Variants in USP10 observed in about 807,000 individuals in gnomAD.
The protein encoded by USP10 is ubiquitin carboxyl-terminal hydrolase 10.
USP10 carries 22 observed loss-of-function variants against 84.5 expected under a neutral mutation model. That is an observed-to-expected ratio of 0.26 (90% CI 0.19 to 0.37). USP10 has a LOEUF of 0.37. Ranked by LOEUF, USP10 falls within the 10% of genes least tolerant of loss-of-function variation. USP10 has a pLI of 1.00. For missense variants in USP10, 1,019 were observed against 998.9 expected (o/e 1.02, Z -0.27); for synonymous variants, 454 against 387.6 (o/e 1.17, Z -2.01).
intron 2 of USP10, 115 bp from the exon 3 acceptor site, chr16:84,740,194 G>A (rs551571453): frequency 1.6e-5 from 13 of 832,174 alleles, no homozygotes; most frequent in South Asian, 1.1e-4. Flanking sequence ...TAGAAGTAAC[G>A]GCATGCAAAG....
At chr16:84,741,904 C>G (rs1007036469) in intron 3 of USP10, among the ~76,000 whole-genome samples, 5 of 152,196 alleles carry the variant, frequency 3.3e-5, no homozygotes, top group African/African-American at 1.2e-4. Context: ...GTCACTGCGC[C>G]TGTAGTATCT....
At chr16:84,704,615 C>T (rs573220328) in intron 1 of USP10, 3 of 1,223,870 alleles carry the variant, frequency 2.5e-6, no homozygotes, top group Admixed American at 6.0e-5. Context: ...TAAAGGTAGC[C>T]CTTGGGGTAT....
At chr16:84,773,290 T>C (rs987376690) in intron 12 of USP10, among the ~76,000 whole-genome samples, 21 of 152,320 alleles carry the variant, frequency 1.4e-4, no homozygotes, top group African/African-American at 4.6e-4. Flanking sequence ...TGAGGCTTGA[T>C]TGGGACTGTG....
chr16:84,735,887 C>T (rs1052914133), intron 2 of USP10, among the ~76,000 whole-genome samples: 1 of 152,166 alleles, frequency 6.6e-6, no homozygotes, highest in Non-Finnish European at 1.5e-5. Context: ...AGTTGTTTTC[C>T]CCAATCTTCA....
intron 12 of USP10, among the ~76,000 whole-genome samples, chr16:84,773,537 C>T (rs564071541): frequency 5.9e-5 from 9 of 152,186 alleles, no homozygotes; most frequent in Admixed American, 2.6e-4. Flanking sequence ...TATACCTTCC[C>T]GTGAAGACTC....
At chr16:84,770,532 G>T (rs1914322112) in intron 11 of USP10, among the ~76,000 whole-genome samples, 1 of 152,148 alleles carries the variant, frequency 6.6e-6, no homozygotes, top group African/African-American at 2.4e-5. Context: ...CAGCACTTTG[G>T]GAGGCCAAGG....
chr16:84,740,453 C>T, intron 3 of USP10, 84 bp downstream of exon 3: 1 of 1,115,468 alleles, frequency 9.0e-7, no homozygotes. Context: ...CATTGTTTCC[C>T]ATTTGAATAA....
intron 12 of USP10, among the ~76,000 whole-genome samples, chr16:84,774,104 G>A (rs1343144433): frequency 6.6e-6 from 1 of 152,150 alleles, no homozygotes; most frequent in African/African-American, 2.4e-5. Flanking sequence ...ACAAAAATTA[G>A]CCTAGCATGG....
chr16:84,765,046 G>C (rs1913696419), intron 10 of USP10, among the ~76,000 whole-genome samples: 2 of 151,222 alleles, frequency 1.3e-5, no homozygotes, highest in African/African-American at 4.9e-5. Context: ...CTGCACTCCA[G>C]CCTGGGTGAC....
At chr16:84,702,045 CTTTTTTTT>C (rs1168917308) in intron 1 of USP10, among the ~76,000 whole-genome samples, 1 of 42,614 alleles carries the variant, frequency 2.3e-5, no homozygotes, top group Non-Finnish European at 3.9e-5. Flanking sequence ...GAGTTTCGCT[CTTTTTTTT>C]TTTTTTTTTT....
intron 4 of USP10, among the ~76,000 whole-genome samples, chr16:84,752,883 TAAGAG>T (rs1912098224): frequency 6.6e-6 from 1 of 152,256 alleles, no homozygotes; most frequent in Non-Finnish European, 1.5e-5. Context: ...GTTTGGATCT[TAAGAG>T]AAAATCTTTG....
At chr16:84,754,036 G>T (rs886564634) in intron 4 of USP10, among the ~76,000 whole-genome samples, 2 of 152,158 alleles carry the variant, frequency 1.3e-5, no homozygotes, top group African/African-American at 2.4e-5. Context: ...ACCAAGTCCT[G>T]TTACCTTAGA....
chr16:84,700,199 G>A (rs1441002869), intron 1 of USP10, 88 bp downstream of exon 1: 15 of 1,054,026 alleles, frequency 1.4e-5, no homozygotes, highest in Non-Finnish European at 1.8e-5. Context: ...CGCCCTGCCC[G>A]GAGCGAGCGT....
At chr16:84,770,075 C>T (rs915041968) in intron 11 of USP10, among the ~76,000 whole-genome samples, 3 of 152,112 alleles carry the variant, frequency 2.0e-5, no homozygotes, top group African/African-American at 7.2e-5. Context: ...CGCCACTGCA[C>T]TCCAGCCTGT....
rs1219676550 is a variant in USP10 at position 84,704,593 on chromosome 16, A to T, written c.21+4482A>T. On this transcript the variant is annotated intron_variant, in intron 1 of 13. Coordinates refer to ENST00000219473, the MANE Select transcript of USP10 (RefSeq NM_005153.3). Reference sequence around the variant, plus strand: ...GTCAATACAGGCTGGATGAAGAATTAGTGTAGGAAAATAAAGGTAGCCCTT... The same window carrying T: ...GTCAATACAGGCTGGATGAAGAATTTGTGTAGGAAAATAAAGGTAGCCCTT... 16 of 1,010,062 alleles carry T rather than the reference A, an allele frequency of 1.6e-5. No individual in the cohort carries two copies. The East Asian group carries it at 4.5e-4, about 28-fold the overall frequency. 62.6% of individuals were successfully genotyped at this position (1,010,062 alleles called of 1,614,324 possible).
chr16:84,757,402 G>GTGTGTGTGTGTGT (rs1555546471), intron 4 of USP10, among the ~76,000 whole-genome samples: 7 of 82,808 alleles, frequency 8.5e-5, no homozygotes, highest in South Asian at 2.8e-4. Context: ...GAGGGGTGGG[G>GTGTGTGTGTGTGT]GTGTGTGTGT....
intron 4 of USP10, among the ~76,000 whole-genome samples, chr16:84,757,487 G>A (rs1235462884): frequency 1.3e-5 from 2 of 150,912 alleles, no homozygotes; most frequent in Non-Finnish European, 1.5e-5. Flanking sequence ...GATTAGTGCC[G>A]AAGTCTGGGA....
chr16:84,730,321 G>A (rs953241163), intron 1 of USP10, among the ~76,000 whole-genome samples: 1 of 151,066 alleles, frequency 6.6e-6, no homozygotes, highest in African/African-American at 2.4e-5. Context: ...TCTTTTAATA[G>A]TATTTTGAAG....
intron 1 of USP10, among the ~76,000 whole-genome samples, chr16:84,721,380 A>C (rs1003146978): frequency 6.6e-6 from 1 of 152,226 alleles, no homozygotes; most frequent in East Asian, 1.9e-4. Context: ...AAAGATTACA[A>C]CTGTGGCCAT....
Sources: gnomAD v4.1 joint callset for allele counts (sites outside exome capture counted in the v4.1 genomes callset) on GRCh38, gnomAD v4.1.1 for gene constraint, MANE v1.5 for transcripts, NCBI Gene and HGNC (gene_info 2026-07-23, HGNC 2026-07-21) for gene names.